Variants in LDB2 observed in about 807,000 individuals in gnomAD.
LDB2 encodes the protein LIM domain-binding protein 2.
In LDB2, 12 loss-of-function variants were observed where a neutral mutation model predicts 44.3. The ratio of observed to expected loss-of-function variants is 0.27; its 90% CI spans 0.17 to 0.44. The LOEUF (loss-of-function observed/expected upper bound fraction) is 0.44, where lower values mean the gene tolerates loss of function less well. LDB2 is among the 20% of genes least tolerant of loss of function. LDB2 has a pLI of 1.00. For missense variants in LDB2, 344 were observed against 473.5 expected (o/e 0.73, Z 2.54); for synonymous variants, 164 against 174.8 (o/e 0.94, Z 0.49).
At chr4:16,766,582 T>C (rs984379771) in intron 1 of LDB2, among the ~76,000 whole-genome samples, 2 of 150,672 alleles carry the variant, frequency 1.3e-5, no homozygotes, top group South Asian at 4.2e-4. Flanking sequence ...CTTGGCTCAC[T>C]GCAACCTCCA....
chr4:16,522,276 T>TTGTGTGTGCATGTGTG (rs61400788), intron 5 of LDB2, among the ~76,000 whole-genome samples: 1 of 150,234 alleles, frequency 6.7e-6, no homozygotes, highest in Non-Finnish European at 1.5e-5. Flanking sequence ...GTGTGTGTGT[T>TTGTGTGTGCATGTGTG]TGTGTGTGTG....
chr4:16,884,516 C>A (rs1234815113), intron 1 of LDB2, among the ~76,000 whole-genome samples: 2 of 152,166 alleles, frequency 1.3e-5, no homozygotes, highest in South Asian at 2.1e-4. Context: ...AAAATCTTCA[C>A]CCTTCCTAAA....
intron 1 of LDB2, among the ~76,000 whole-genome samples, chr4:16,768,431 C>A (rs1769848427): frequency 6.6e-6 from 1 of 152,140 alleles, no homozygotes; most frequent in Non-Finnish European, 1.5e-5. Flanking sequence ...TAACCTTTCT[C>A]AGAAGATACT....
intron 4 of LDB2, among the ~76,000 whole-genome samples, chr4:16,588,281 T>G (rs1331490538): frequency 6.6e-6 from 1 of 152,182 alleles, no homozygotes; most frequent in Non-Finnish European, 1.5e-5. Flanking sequence ...AATCTGAAGA[T>G]AGAGGAGTCC....
intron 5 of LDB2, among the ~76,000 whole-genome samples, chr4:16,551,628 C>G (rs1327381191): frequency 6.6e-6 from 1 of 152,154 alleles, no homozygotes; most frequent in Non-Finnish European, 1.5e-5. Context: ...AACAATTCTC[C>G]TGCCTCAGCC....
intron 1 of LDB2, among the ~76,000 whole-genome samples, chr4:16,816,371 A>G (rs944821657): frequency 7.5e-5 from 11 of 147,272 alleles, no homozygotes; most frequent in African/African-American, 2.8e-4. Context: ...TTCTTCAATT[A>G]TATCTTCATT....
chr4:16,643,013 A>G (rs940572859), intron 2 of LDB2, among the ~76,000 whole-genome samples: 1 of 152,214 alleles, frequency 6.6e-6, no homozygotes, highest in African/African-American at 2.4e-5. Context: ...ACCTCCATGT[A>G]TGATGCCTGG....
intron 2 of LDB2, among the ~76,000 whole-genome samples, chr4:16,619,949 C>T (rs982070819): frequency 1.7e-4 from 26 of 152,028 alleles, no homozygotes; most frequent in African/African-American, 4.8e-4. Context: ...ACCATTTCAT[C>T]GGCACTTTAA....
chr4:16,640,606 T>C (rs1271709711), intron 2 of LDB2, among the ~76,000 whole-genome samples: 3 of 152,224 alleles, frequency 2.0e-5, no homozygotes, highest in Admixed American at 2.0e-4. Context: ...CTACTTGTTA[T>C]ATGTTAAGTA....
At chr4:16,644,668 C>A (rs1228300287) in intron 2 of LDB2, among the ~76,000 whole-genome samples, 3 of 152,148 alleles carry the variant, frequency 2.0e-5, no homozygotes, top group Non-Finnish European at 4.4e-5. Flanking sequence ...GACCTCAAGT[C>A]ATCCACCTGC....
intron 2 of LDB2, among the ~76,000 whole-genome samples, chr4:16,730,193 A>G (rs1000543715): frequency 6.6e-6 from 1 of 152,152 alleles, no homozygotes; most frequent in African/African-American, 2.4e-5. Context: ...CTGGCATAAT[A>G]GGGGGATCTT....
At chr4:16,571,760 G>A (rs955317384) in intron 5 of LDB2, among the ~76,000 whole-genome samples, 1 of 152,154 alleles carries the variant, frequency 6.6e-6, no homozygotes, top group African/African-American at 2.4e-5. Context: ...CTAGTTCACT[G>A]CCCTTTCTTC....
chr4:16,773,170 T>A (rs1771075613), intron 1 of LDB2, among the ~76,000 whole-genome samples: 1 of 152,174 alleles, frequency 6.6e-6, no homozygotes, highest in East Asian at 1.9e-4. Context: ...AGGATATCTG[T>A]CTTTATGACG....
At chr4:16,622,759 T>C (rs1200339311) in intron 2 of LDB2, among the ~76,000 whole-genome samples, 1 of 152,204 alleles carries the variant, frequency 6.6e-6, no homozygotes, top group Non-Finnish European at 1.5e-5. Context: ...CGCTCTAGCG[T>C]AGAGTGAAAG....
chr4:16,798,136 G>A (rs961037594), intron 1 of LDB2, among the ~76,000 whole-genome samples: 5 of 151,562 alleles, frequency 3.3e-5, no homozygotes, highest in African/African-American at 7.3e-5. Flanking sequence ...ATGCCACTTA[G>A]TTCACAGGGT....
At chr4:16,523,402 AG>A (rs1366690745) in intron 5 of LDB2, among the ~76,000 whole-genome samples, 2 of 152,186 alleles carry the variant, frequency 1.3e-5, no homozygotes, top group African/African-American at 4.8e-5. Context: ...TTCTTCATTA[AG>A]TCGAGAACTT....
At chr4:16,726,888 A>T (rs1331342730) in intron 2 of LDB2, among the ~76,000 whole-genome samples, 1 of 152,272 alleles carries the variant, frequency 6.6e-6, no homozygotes, top group East Asian at 1.9e-4. Flanking sequence ...AAAAGCTTTA[A>T]ATAGACACTA....
intron 2 of LDB2, among the ~76,000 whole-genome samples, chr4:16,604,246 G>T (rs1019674940): frequency 1.3e-4 from 20 of 152,084 alleles, no homozygotes; most frequent in African/African-American, 4.6e-4. Flanking sequence ...TATGCTAAAT[G>T]GTTAATGGAA....
intron 1 of LDB2, among the ~76,000 whole-genome samples, chr4:16,766,642 A>C (rs113545862): frequency 0.015 from 2,220 of 151,378 alleles, 39 homozygotes; most frequent in African/African-American, 0.049. Context: ...AGTAGCTGGG[A>C]TTATAGGCGC....
Sources: gnomAD v4.1 joint callset for allele counts (sites outside exome capture counted in the v4.1 genomes callset) on GRCh38, gnomAD v4.1.1 for gene constraint, MANE v1.5 for transcripts, NCBI Gene and HGNC (gene_info 2026-07-23, HGNC 2026-07-21) for gene names.